Variants in AKAP6 observed in about 807,000 individuals in gnomAD.
AKAP6 encodes the protein A-kinase anchor protein 6.
In AKAP6, 58 loss-of-function variants were observed where a neutral mutation model predicts 188.5. The observed-to-expected ratio is 0.31, with a 90% CI of 0.25 to 0.38. The LOEUF (loss-of-function observed/expected upper bound fraction) is 0.38. Ranked by LOEUF, AKAP6 falls within the 10% of genes least tolerant of loss-of-function variation. The pLI is 1.00. For missense variants in AKAP6, 2,710 were observed against 2,740.0 expected (o/e 0.99, Z 0.24); for synonymous variants, 989 against 998.6 (o/e 0.99, Z 0.18).
At chr14:32,560,631 T>C (rs920928944) in intron 4 of AKAP6, among the ~76,000 whole-genome samples, 1 of 152,258 alleles carries the variant, frequency 6.6e-6, no homozygotes, top group African/African-American at 2.4e-5. Flanking sequence ...ATGATAACAG[T>C]GCCTAACTGC....
chr14:32,645,437 T>C (rs886775941), intron 7 of AKAP6, among the ~76,000 whole-genome samples: 3 of 152,212 alleles, frequency 2.0e-5, no homozygotes, highest in African/African-American at 7.2e-5. Flanking sequence ...TTTATGTTTC[T>C]ATTTTTTAAA....
At chr14:32,741,913 C>T (rs997194870) in intron 11 of AKAP6, among the ~76,000 whole-genome samples, 24 of 148,928 alleles carry the variant, frequency 1.6e-4, no homozygotes, top group African/African-American at 5.9e-4. Flanking sequence ...GAAGTATGCC[C>T]TCCTCTATTT....
intron 1 of AKAP6, among the ~76,000 whole-genome samples, chr14:32,365,342 T>C (rs1594544303): frequency 6.6e-6 from 1 of 151,816 alleles, no homozygotes; most frequent in Non-Finnish European, 1.5e-5. Context: ...ACACTGTGTC[T>C]TTATGCTGGG....
At chr14:32,664,834 T>C (rs189473766) in intron 7 of AKAP6, among the ~76,000 whole-genome samples, 37 of 152,222 alleles carry the variant, frequency 2.4e-4, no homozygotes, top group African/African-American at 8.4e-4. Flanking sequence ...TGGACCAGGA[T>C]GAGTCTCAGG....
In AKAP6 at chr14:32,545,249, C is replaced by A. The variant is rs1883142487; in HGVS notation, c.596C>A (p.Thr199Lys). Reference sequence around the variant, plus strand: ...TTTCAGGGCCGGCTTGATTCTCTAACAGAAGTGGATGACTCAGGACAATTA... The same window carrying A: ...TTTCAGGGCCGGCTTGATTCTCTAAAAGAAGTGGATGACTCAGGACAATTA... The part of the protein sequence containing the change: ...ETKEGRLDSL[T>K]EVDDSGQLTI... Residue 199 changes from threonine (T) to lysine (K), a missense_variant, in exon 4 of 14, where the codon ACA becomes AAA. Coordinates refer to ENST00000280979, the MANE Select transcript of AKAP6 (RefSeq NM_004274.5). 8.1e-6 allele frequency: 13 copies of A among 1,612,900 alleles called. No homozygotes were observed. Among genetic ancestry groups the A allele is most frequent in the Non-Finnish European group, 9.3e-6 (11 of 1,179,038 alleles).
chr14:32,508,744 A>G (rs990068423), intron 2 of AKAP6, among the ~76,000 whole-genome samples: 5 of 152,228 alleles, frequency 3.3e-5, no homozygotes, highest in Non-Finnish European at 7.3e-5. Flanking sequence ...ATGATCTAGA[A>G]AATTATATAC....
chr14:32,586,194 T>C (rs1387979633), intron 5 of AKAP6, among the ~76,000 whole-genome samples: 2 of 152,212 alleles, frequency 1.3e-5, no homozygotes, highest in Admixed American at 6.5e-5. Context: ...GAATTGTGTT[T>C]AAATTAAAAA....
chr14:32,527,575 C>T (rs889675332), intron 2 of AKAP6, among the ~76,000 whole-genome samples: 2 of 152,222 alleles, frequency 1.3e-5, no homozygotes, highest in African/African-American at 4.8e-5. Context: ...GTTCCTCTTA[C>T]TCCACATCCT....
intron 7 of AKAP6, among the ~76,000 whole-genome samples, chr14:32,616,117 A>G (rs1465806533): frequency 6.6e-6 from 1 of 152,198 alleles, no homozygotes; most frequent in Non-Finnish European, 1.5e-5. Context: ...TGTTAGCAAG[A>G]TTGCAGATAA....
rs2034812312 is a variant in AKAP6, at chr14:32,831,078, A to G, written c.*1273A>G. 1 of 152,174 alleles carries G rather than the reference A, an allele frequency of 6.6e-6. No homozygotes were observed. The highest frequency in any genetic ancestry group is 1.5e-5 in the Non-Finnish European group (1 of 68,020). The allele number at this position is 152,174 out of a possible 1,614,324, so 9.4% of individuals were successfully genotyped here. On this transcript the variant is annotated 3_prime_UTR_variant, in exon 14 of 14. Coordinates refer to ENST00000280979, the MANE Select transcript of AKAP6 (RefSeq NM_004274.5). ...TTTTTATTTCCACTTATCATTAATG[A>G]TTTAATGTTGGATTTCAGGTACCTT...
intron 1 of AKAP6, among the ~76,000 whole-genome samples, chr14:32,388,343 GT>G (rs1566477725): frequency 6.6e-6 from 1 of 151,602 alleles, no homozygotes; most frequent in South Asian, 2.1e-4. Context: ...GTTGTTGTTT[GT>G]TTGTTTCAAT....
At chr14:32,531,847 T>C (rs867352497) in intron 2 of AKAP6, among the ~76,000 whole-genome samples, 3 of 152,242 alleles carry the variant, frequency 2.0e-5, no homozygotes, top group Non-Finnish European at 4.4e-5. Flanking sequence ...TGCTGCATAG[T>C]GTATAGGCAT....
chr14:32,769,037 A>ATTTTTTTTTTT (rs544997334), intron 11 of AKAP6, among the ~76,000 whole-genome samples: 18,070 of 56,806 alleles, frequency 0.32, 7,137 homozygotes, highest in Non-Finnish European at 0.41. Context: ...TGCTCTTTTG[A>ATTTTTTTTTTT]TTTTTTTTTT....
chr14:32,636,199 A>G (rs1007348994), intron 7 of AKAP6, among the ~76,000 whole-genome samples: 7 of 152,286 alleles, frequency 4.6e-5, no homozygotes, highest in Non-Finnish European at 1.0e-4. Context: ...AGAAACATCT[A>G]TACATATACA....
chr14:32,813,367 T>TA (rs1255464007), intron 12 of AKAP6, among the ~76,000 whole-genome samples: 4 of 149,518 alleles, frequency 2.7e-5, no homozygotes, highest in African/African-American at 9.9e-5. Flanking sequence ...GAAGAGTAGT[T>TA]ACAGTTTTCA....
chr14:32,399,385 A>C (rs1328502593), intron 1 of AKAP6, among the ~76,000 whole-genome samples: 1 of 152,184 alleles, frequency 6.6e-6, no homozygotes, highest in Non-Finnish European at 1.5e-5. Flanking sequence ...GCAGATCAAG[A>C]GGTTTCACAA....
At chr14:32,744,475 C>G (rs2139876380) in intron 11 of AKAP6, among the ~76,000 whole-genome samples, 1 of 152,158 alleles carries the variant, frequency 6.6e-6, no homozygotes, top group South Asian at 2.1e-4. Flanking sequence ...CGCCACCACA[C>G]CCAGCCAATT....
At chr14:32,707,209 A>G (rs763304929) in intron 9 of AKAP6, among the ~76,000 whole-genome samples, 1 of 152,130 alleles carries the variant, frequency 6.6e-6, no homozygotes, top group East Asian at 1.9e-4. Context: ...TTTCACCAAG[A>G]TTGAATTTGA....
chr14:32,600,753 T>C lies in AKAP6; in HGVS notation c.2691T>C (p.Asp897=). ...TCAAAGCCGAGATACTGGCTACTGATGTGTCTGTGGAGGATGAGGAAGGGA... is the reference window on the plus strand; with the variant it reads ...TCAAAGCCGAGATACTGGCTACTGACGTGTCTGTGGAGGATGAGGAAGGGA... The part of the protein sequence containing the change: ...DTIKAEILAT[D]VSVEDEEGTG... The change falls in exon 7 of 14, where the codon GAT becomes GAC. Residue 897 remains aspartate, a synonymous_variant. Coordinates refer to ENST00000280979, the MANE Select transcript of AKAP6 (RefSeq NM_004274.5). The C allele has an allele frequency of 6.2e-7, 1 of 1,613,070 alleles. No homozygotes were observed. The highest frequency in any genetic ancestry group is 1.1e-5 in the South Asian group (1 of 90,924).
Sources: gnomAD v4.1 joint callset for allele counts (sites outside exome capture counted in the v4.1 genomes callset) on GRCh38, gnomAD v4.1.1 for gene constraint, MANE v1.5 for transcripts, NCBI Gene and HGNC (gene_info 2026-07-23, HGNC 2026-07-21) for gene names.